SPIDR: variants seen among roughly 807,000 people sequenced by gnomAD.
SPIDR encodes scaffold protein involved in DNA repair, also known as DNA repair-scaffolding protein.
In SPIDR, 93 loss-of-function variants were observed where a neutral mutation model predicts 104.6. The ratio of observed to expected loss-of-function variants is 0.89; its 90% CI spans 0.75 to 1.06. SPIDR has a LOEUF of 1.06. Among genes scored for constraint, SPIDR ranks in the 50% least tolerant of loss-of-function variants. The pLI is 0.00. For missense variants in SPIDR, 1,154 were observed against 1,111.2 expected, an observed-to-expected ratio of 1.04 and a Z score of -0.55; for synonymous variants, 431 against 416.9, an observed-to-expected ratio of 1.03 and a Z score of -0.41.
chr8:47,498,238 G>A (rs1203808716), intron 8 of SPIDR, among the ~76,000 whole-genome samples: 1 of 152,106 alleles, frequency 6.6e-6, no homozygotes, highest in African/African-American at 2.4e-5. Context: ...GAAGCACATT[G>A]TTGGCCAGTT....
chr8:47,497,411 C>T (rs897753105), intron 8 of SPIDR, among the ~76,000 whole-genome samples: 2 of 152,044 alleles, frequency 1.3e-5, no homozygotes, highest in African/African-American at 4.8e-5. Context: ...TTTTCCTTTT[C>T]ATTAATCTCA....
intron 11 of SPIDR, among the ~76,000 whole-genome samples, chr8:47,681,669 A>G (rs944430325): frequency 6.6e-6 from 1 of 152,220 alleles, no homozygotes; most frequent in South Asian, 2.1e-4. Context: ...TAAGGCTTCA[A>G]CTGTTTCTTC....
intron 10 of SPIDR, among the ~76,000 whole-genome samples, chr8:47,669,829 G>A (rs530485979): frequency 8.5e-5 from 13 of 152,078 alleles, no homozygotes; most frequent in East Asian, 1.9e-4. Context: ...GTGAAACCCC[G>A]TCTCTACTAA....
chr8:47,628,263 T>G (rs1434483666), intron 10 of SPIDR, among the ~76,000 whole-genome samples: 2 of 152,204 alleles, frequency 1.3e-5, no homozygotes, highest in African/African-American at 2.4e-5. Context: ...TAGAGAAGGT[T>G]GTTTTTCCTC....
chr8:47,601,215 G>T (rs181493729), intron 10 of SPIDR, among the ~76,000 whole-genome samples: 3 of 152,232 alleles, frequency 2.0e-5, no homozygotes, highest in Non-Finnish European at 4.4e-5. Context: ...TATGCATTCT[G>T]TGTGATGCAT....
chr8:47,588,036 T>TGC (rs2060480453), intron 8 of SPIDR, among the ~76,000 whole-genome samples: 2 of 16,130 alleles, frequency 1.2e-4, no homozygotes, highest in Non-Finnish European at 1.3e-4. Context: ...CATATATATA[T>TGC]ATATATATAT....
intron 10 of SPIDR, among the ~76,000 whole-genome samples, chr8:47,625,898 A>C (rs1232901039): frequency 6.6e-6 from 1 of 152,262 alleles, no homozygotes; most frequent in Non-Finnish European, 1.5e-5. Flanking sequence ...TTGAAAGTTC[A>C]TATGGAACCA....
chr8:47,302,776 A>G (rs587734320), intron 5 of SPIDR, among the ~76,000 whole-genome samples: 1 of 152,162 alleles, frequency 6.6e-6, no homozygotes, highest in Non-Finnish European at 1.5e-5. Flanking sequence ...GGTTTATACC[A>G]AATGTTGCTG....
At chr8:47,386,109 A>G (rs1329911562) in intron 5 of SPIDR, among the ~76,000 whole-genome samples, 7 of 151,186 alleles carry the variant, frequency 4.6e-5, no homozygotes, top group Non-Finnish European at 1.0e-4. Context: ...TTTCTTTTGC[A>G]CTCTTATTTT....
At chr8:47,514,193 G>A (rs995559041) in intron 8 of SPIDR, among the ~76,000 whole-genome samples, 4 of 152,056 alleles carry the variant, frequency 2.6e-5, no homozygotes, top group Admixed American at 6.6e-5. Flanking sequence ...TTTTACATTC[G>A]TTAAATTGTC....
At chr8:47,366,449 CAGAA>C (rs1293642995) in intron 5 of SPIDR, among the ~76,000 whole-genome samples, 1 of 151,958 alleles carries the variant, frequency 6.6e-6, no homozygotes, top group Non-Finnish European at 1.5e-5. Flanking sequence ...TGTGCACAGA[CAGAA>C]AGAACAGGAA....
intron 5 of SPIDR, among the ~76,000 whole-genome samples, chr8:47,303,130 A>G (rs1450310758): frequency 1.3e-5 from 2 of 152,138 alleles, no homozygotes; most frequent in African/African-American, 4.8e-5. Context: ...TTACCTACTC[A>G]AGCCTTGGCA....
chr8:47,321,796 C>T (rs938717302), intron 5 of SPIDR, among the ~76,000 whole-genome samples: 1 of 152,126 alleles, frequency 6.6e-6, no homozygotes, highest in Admixed American at 6.5e-5. Context: ...TGCCACATAT[C>T]TACAACCATC....
At chr8:47,477,825 T>G (rs1285185536) in intron 8 of SPIDR, among the ~76,000 whole-genome samples, 1 of 152,162 alleles carries the variant, frequency 6.6e-6, no homozygotes, top group Admixed American at 6.5e-5. Context: ...AAGTAGACAG[T>G]TGCCACACAG....
intron 8 of SPIDR, among the ~76,000 whole-genome samples, chr8:47,593,816 G>A (rs910154191): frequency 2.0e-5 from 3 of 152,116 alleles, no homozygotes; most frequent in Non-Finnish European, 4.4e-5. Context: ...ACACCACCCT[G>A]GCTGGGAGGG....
rs527445265 is a variant in SPIDR at position 47,655,408 on chromosome 8, A to T, written c.1545-18393A>T. 2.6e-4 allele frequency among the ~76,000 whole-genome samples: 39 copies of T among 152,250 alleles called. No individual in the cohort carries two copies. In the South Asian group the frequency reaches 8.1e-3, roughly 32 times the overall value. The stretch of plus-strand genomic sequence containing the variant: ...CCTGTTGTTTCCTGACTTTTTAATG[A>T]TCACCATTCTAACTAGTGTGAGATG... On this transcript the variant is annotated intron_variant, in intron 10 of 19. Transcript: ENST00000297423.
At chr8:47,615,664 A>G (rs1246112882) in intron 10 of SPIDR, among the ~76,000 whole-genome samples, 1 of 151,708 alleles carries the variant, frequency 6.6e-6, no homozygotes, top group Non-Finnish European at 1.5e-5. Flanking sequence ...GCACTCCACC[A>G]TGCCCGGCTA....
At chr8:47,511,067 G>A (rs751263709) in intron 8 of SPIDR, 259 of 1,012,198 alleles carry the variant, frequency 2.6e-4, no homozygotes, top group Middle Eastern at 8.4e-4. Flanking sequence ...GCATTGAGCA[G>A]GTTGGCTTCC....
intron 8 of SPIDR, among the ~76,000 whole-genome samples, chr8:47,476,109 T>G (rs2076262469): frequency 6.6e-6 from 1 of 152,168 alleles, no homozygotes; most frequent in African/African-American, 2.4e-5. Context: ...AGCTTTTGTG[T>G]ATTCATTAAG....
Sources: allele counts gnomAD v4.1 joint callset (sites outside exome capture counted in the v4.1 genomes callset), GRCh38; gene constraint gnomAD v4.1.1; transcripts MANE v1.5; gene names NCBI Gene and HGNC (gene_info 2026-07-23, HGNC 2026-07-21).